The following FAN1 variants were observed in gnomAD, a reference collection of about 807,000 sequenced individuals.
FAN1 encodes fanconi-associated nuclease 1.
A neutral mutation model predicts 104.9 loss-of-function variants in FAN1; 91 were observed. That is an observed-to-expected ratio of 0.87 (90% confidence interval 0.73 to 1.03). The LOEUF is 1.03. Among genes scored for constraint, FAN1 ranks in the 50% least tolerant of loss-of-function variants. The pLI, the probability that FAN1 is intolerant of heterozygous loss-of-function variation, is 0.00. For missense variants in FAN1, 1,263 were observed against 1,239.9 expected, an observed-to-expected ratio of 1.02 and a Z score of -0.28; for synonymous variants, 478 against 457.6, an observed-to-expected ratio of 1.04 and a Z score of -0.57.
In FAN1 at chr15:30,920,662, A is replaced by G. The variant is rs1257489257; in HGVS notation, c.2052+9A>G. 6.6e-7 allele frequency: 1 copy of G among 1,512,868 alleles called. No homozygotes were observed. Among genetic ancestry groups the G allele is most frequent in the Admixed American group, 1.7e-5 (1 of 57,264 alleles). The allele number at this position is 1,512,868 out of a possible 1,614,324, so 93.7% of individuals were successfully genotyped here. A position where few individuals can be genotyped will look rare whatever the true frequency, so the allele number is the denominator to read the frequency against. ...GACTTCACATGTATGAGGTTAGAGC[A>G]CAGGTCCCTGCCCCCCACCATTACT... On this transcript the variant is annotated intron_variant, in intron 7 of 14. Transcript: ENST00000362065.
chr15:30,939,368 T>C, intron 14 of FAN1: 11 of 985,470 alleles, frequency 1.1e-5, no homozygotes, highest in Non-Finnish European at 1.3e-5. Flanking sequence ...CTCTCTCTAG[T>C]GCGCCCTGTG....
At chr15:30,930,014 AATAT>A (rs1177190641) in intron 12 of FAN1, among the ~76,000 whole-genome samples, 2 of 137,110 alleles carry the variant, frequency 1.5e-5, no homozygotes, top group East Asian at 4.0e-4. Flanking sequence ...TAATGTATAA[AATAT>A]ATAATAATAT....
intron 8 of FAN1, among the ~76,000 whole-genome samples, chr15:30,924,910 C>T (rs1416643418): frequency 6.6e-6 from 1 of 152,230 alleles, no homozygotes; most frequent in Non-Finnish European, 1.5e-5. Context: ...CCCGGTCACG[C>T]TCCAGCACGT....
chr15:30,937,391 T>C, intron 14 of FAN1, 132 bp downstream of exon 14: 3 of 778,894 alleles, frequency 3.9e-6, no homozygotes, highest in South Asian at 4.0e-5. Flanking sequence ...TGTCTGCATA[T>C]CACAAAACAG....
Position 30,905,684 on chromosome 15 carries a change from C to G in FAN1, c.1021C>G (p.Leu341Val). ...ATGGAGTAACATCCAAGAGGCTCCT[C>G]TGCAGGATGACAGTTGCTTAAACAA... ...SAWSNIQEAP[L>V]QDDSCLNNDI... Residue 341 changes from leucine to valine, a missense_variant, in exon 2 of 15, where the codon CTG (leucine) becomes GTG (valine). Around this residue, in one of 2 missense-constraint regions of FAN1, gnomAD observed 682 missense variants for 571.1 expected, o/e 1.19. Transcript: ENST00000362065. 6.2e-7 allele frequency: 1 copy of G among 1,614,194 alleles called. No homozygotes were observed. The highest frequency in any genetic ancestry group is 8.5e-7 in the Non-Finnish European group (1 of 1,180,006).
In FAN1 at chr15:30,913,877, C is replaced by T. The variant is rs1477826243; in HGVS notation, c.1597C>T (p.Gln533Ter). 2 of 1,612,246 alleles carry T rather than the reference C, an allele frequency of 1.2e-6. No individual in the cohort carries two copies. The highest frequency in any genetic ancestry group is 2.7e-5 in the African/African-American group (2 of 74,886). The stretch of plus-strand genomic sequence containing the variant: ...TTTCAGAGCCAAAGCCTTGGCTGGA[C>T]AGTCAGTACGAATCTGTAAAGGCCC... Reference protein sequence around the residue: ...ILKRAKALAGQSVRICKGPRA... With the variant: ...ILKRAKALAG Residue 533 changes from glutamine to a stop codon, truncating the protein, a stop_gained, in exon 5 of 15, where the codon CAG (glutamine) becomes TAG (stop). Transcript: ENST00000362065. LOFTEE classifies it high-confidence loss of function.
At position 30,905,760 on chromosome 15, in the gene FAN1, C is replaced by G. The variant is rs1040987333; in HGVS notation, c.1097C>G (p.Pro366Arg). ...GAGCAGGGGTCAAGCTGCAATGGTC[C>G]TGGTCAAACAACCGGTCATCCTTAC... ...PLEQGSSCNGPGQTTGHPYYL... is the reference protein window; with the variant it reads ...PLEQGSSCNGRGQTTGHPYYL... The change falls in exon 2 of 15, where the codon CCT becomes CGT. Residue 366 changes from proline to arginine, a missense_variant. Physicochemically the swap from Pro to Arg is moderately radical, Grantham distance 103. Transcript: ENST00000362065. 6.2e-7 allele frequency: 1 copy of G among 1,614,164 alleles called. No homozygotes were observed. Among genetic ancestry groups the G allele is most frequent in the Non-Finnish European group, 8.5e-7 (1 of 1,180,026 alleles).
chr15:30,920,631 T>C lies in FAN1; in HGVS notation c.2030T>C (p.Leu677Pro). The part of the protein sequence containing the change: ...TRILSRFVEI[L>P]QRLHMYEEAV... Reference sequence around the variant, plus strand: ...ATTTTGTCTCGGTTTGTGGAAATACTGCAGAGACTTCACATGTATGAGGTT... The same window carrying C: ...ATTTTGTCTCGGTTTGTGGAAATACCGCAGAGACTTCACATGTATGAGGTT... Residue 677 changes from leucine (L) to proline (P), a missense_variant, in exon 7 of 15, where the codon CTG becomes CCG. By Grantham distance (98) the Leu-to-Pro change is moderately conservative. Around this residue, in one of 2 missense-constraint regions of FAN1, gnomAD observed 581 missense variants for 668.8 expected, o/e 0.87. Coordinates refer to ENST00000362065, the MANE Select transcript of FAN1 (RefSeq NM_014967.5). 1 of 1,608,860 alleles carries C rather than the reference T, an allele frequency of 6.2e-7. No individual in the cohort carries two copies. Among genetic ancestry groups the C allele is most frequent in the Non-Finnish European group, 8.5e-7 (1 of 1,175,846 alleles).
In FAN1 at chr15:30,920,671, T is replaced by C; in HGVS notation, c.2052+18T>C. On this transcript the variant is annotated intron_variant, in intron 7 of 14. Transcript: ENST00000362065. ...TGTATGAGGTTAGAGCACAGGTCCC[T>C]GCCCCCCACCATTACTGATGTGATG... is the stretch of plus-strand genomic sequence containing the variant. The C allele has an allele frequency of 7.0e-7, 1 of 1,438,442 alleles. No homozygotes were observed. The highest frequency in any genetic ancestry group is 9.7e-7 in the Non-Finnish European group (1 of 1,030,454). 89.1% of individuals were successfully genotyped at this position (1,438,442 alleles called of 1,614,324 possible).
chr15:30,940,653 C>G, intron 14 of FAN1: 1 of 986,526 alleles, frequency 1.0e-6, no homozygotes, highest in Non-Finnish European at 1.2e-6. Flanking sequence ...AATCAGCACC[C>G]CAGAGGCCAC....
intron 4 of FAN1, chr15:30,911,111 G>A: frequency 8.8e-7 from 1 of 1,137,900 alleles, no homozygotes; most frequent in Non-Finnish European, 1.1e-6. Context: ...TGATTCTTAT[G>A]GGATTTTAAG....
intron 12 of FAN1, among the ~76,000 whole-genome samples, chr15:30,929,837 A>ATC (rs1297378763): frequency 2.6e-5 from 2 of 76,912 alleles, no homozygotes; most frequent in African/African-American, 1.6e-4. Flanking sequence ...TATATAATAT[A>ATC]ATATATAAAA....
intron 6 of FAN1, among the ~76,000 whole-genome samples, chr15:30,918,598 G>A (rs1047132380): frequency 6.6e-6 from 1 of 152,158 alleles, no homozygotes; most frequent in Non-Finnish European, 1.5e-5. Context: ...CTGGTGAGCT[G>A]AACTGAAACG....
chr15:30,936,090 A>AT (rs997713535), intron 13 of FAN1, among the ~76,000 whole-genome samples: 1 of 149,038 alleles, frequency 6.7e-6, no homozygotes, highest in Non-Finnish European at 1.5e-5. Context: ...TATTTAAACA[A>AT]TTTTTTTCTA....
chr15:30,928,865 C>T (rs552242762), intron 11 of FAN1: 1 of 841,642 alleles, frequency 1.2e-6, no homozygotes, highest in East Asian at 1.2e-4. Flanking sequence ...TTAATTTAGC[C>T]TCCACCTTAC....
At chr15:30,935,974 G>C (rs1379105523) in intron 13 of FAN1, among the ~76,000 whole-genome samples, 1 of 151,666 alleles carries the variant, frequency 6.6e-6, no homozygotes, top group African/African-American at 2.4e-5. Flanking sequence ...TGGGTTTACT[G>C]TTTTCATCAA....
Position 30,905,513 on chromosome 15 carries a change from G to A in FAN1, c.850G>A (p.Val284Ile). Residue 284 changes from valine to isoleucine, a missense_variant, in exon 2 of 15, where the codon GTA becomes ATA. Coordinates refer to ENST00000362065, the MANE Select transcript of FAN1 (RefSeq NM_014967.5). ...TLKSTSEDSL[V>I]KQECIKEVVE... ...AAAGTCTACTTCAGAAGACAGTCTT[G>A]TAAAGCAAGAGTGTATCAAAGAAGT... The A allele has an allele frequency of 6.2e-7, 1 of 1,614,104 alleles. No individual in the cohort carries two copies. The highest frequency in any genetic ancestry group is 8.5e-7 in the Non-Finnish European group (1 of 1,179,994).
chr15:30,920,702 A>T (rs1327799359), intron 7 of FAN1, 49 bp downstream of exon 7: 1 of 1,099,098 alleles, frequency 9.1e-7, no homozygotes, highest in East Asian at 2.4e-5. Flanking sequence ...TGATGGCGTT[A>T]AACATGTGAA....
chr15:30,939,132 G>C (rs568817900), intron 14 of FAN1: 1 of 985,344 alleles, frequency 1.0e-6, no homozygotes, highest in East Asian at 1.1e-4. Context: ...AGCAGATTTT[G>C]TTGACAAATG....
Sources: gnomAD v4.1 joint callset for allele counts (sites outside exome capture counted in the v4.1 genomes callset) on GRCh38, gnomAD v4.1.1 for gene constraint, gnomAD v4.1.1 regional missense constraint, MANE v1.5 for transcripts, NCBI Gene and HGNC (gene_info 2026-07-23, HGNC 2026-07-21) for gene names.